Variants in MAGI2 observed in about 807,000 individuals in gnomAD.
MAGI2 encodes membrane associated guanylate kinase, WW and PDZ domain containing 2, also known as membrane-associated guanylate kinase, WW and PDZ domain-containing protein 2.
MAGI2 carries 35 observed loss-of-function variants against 133.3 expected under a neutral mutation model. The observed-to-expected ratio is 0.26, with a 90% CI of 0.20 to 0.35. The LOEUF (loss-of-function observed/expected upper bound fraction) is 0.35. Among genes scored for constraint, MAGI2 ranks in the 10% least tolerant of loss-of-function variants. The probability of loss-of-function intolerance (pLI) is 1.00; values close to 1 mark genes in which losing one functional copy is unlikely to be tolerated. For synonymous variants in MAGI2, 729 were observed against 710.6 expected (o/e 1.03, Z -0.41); for missense variants, 1,636 against 1,863.4 (o/e 0.88, Z 2.25).
At chr7:79,397,449 A>T (rs1164802354) in intron 1 of MAGI2, among the ~76,000 whole-genome samples, 1 of 151,976 alleles carries the variant, frequency 6.6e-6, no homozygotes, top group East Asian at 1.9e-4. Context: ...AGTTTAAAGT[A>T]AATATTTATG....
At chr7:79,109,022 G>C (rs561489899) in intron 1 of MAGI2, among the ~76,000 whole-genome samples, 1 of 152,258 alleles carries the variant, frequency 6.6e-6, no homozygotes, top group South Asian at 2.1e-4. Flanking sequence ...CATGCTTCCT[G>C]TACAGCCTGC....
intron 20 of MAGI2, among the ~76,000 whole-genome samples, chr7:78,092,509 C>T (rs556965024): frequency 1.3e-5 from 2 of 152,310 alleles, no homozygotes; most frequent in Admixed American, 6.5e-5. Context: ...ATTGTCCATC[C>T]ATGCATGAGA....
intron 1 of MAGI2, among the ~76,000 whole-genome samples, chr7:79,137,881 T>C (rs1663459588): frequency 1.3e-5 from 2 of 152,128 alleles, no homozygotes; most frequent in African/African-American, 4.8e-5. Flanking sequence ...ACACAGGACA[T>C]TGCAGTTATT....
Position 79,257,063 on chromosome 7 carries a change from A to G in MAGI2, c.301+195957T>C, listed in dbSNP as rs905042852. 2.6e-5 allele frequency among the ~76,000 whole-genome samples: 4 copies of G among 152,130 alleles called. No homozygotes were observed. In the East Asian group the frequency reaches 5.8e-4, roughly 22 times the overall value. The stretch of plus-strand genomic sequence containing the variant: ...AATCTCACCACAAAAACCATACTTT[A>G]TGATGTAATATGTATGTTAATTAGC... On this transcript the variant is annotated intron_variant, in intron 1 of 21. Coordinates refer to ENST00000354212, the MANE Select transcript of MAGI2 (RefSeq NM_012301.4).
intron 7 of MAGI2, among the ~76,000 whole-genome samples, chr7:78,362,680 T>C (rs967596869): frequency 2.0e-5 from 3 of 152,366 alleles, no homozygotes; most frequent in African/African-American, 4.8e-5. Context: ...ATAAAAAAAC[T>C]AGCTCTAGTT....
At chr7:79,067,538 T>G (rs58013603) in intron 1 of MAGI2, among the ~76,000 whole-genome samples, 2 of 152,182 alleles carry the variant, frequency 1.3e-5, no homozygotes, top group Non-Finnish European at 2.9e-5. Flanking sequence ...TATACAATCA[T>G]GTCAACTGCA....
intron 9 of MAGI2, among the ~76,000 whole-genome samples, chr7:78,262,845 T>A (rs1173335341): frequency 6.6e-6 from 1 of 152,178 alleles, no homozygotes; most frequent in Non-Finnish European, 1.5e-5. Context: ...AATTTCAGAT[T>A]CAGAGGATAC....
At chr7:79,222,864 T>C (rs1009204114) in intron 1 of MAGI2, among the ~76,000 whole-genome samples, 4 of 151,984 alleles carry the variant, frequency 2.6e-5, no homozygotes, top group African/African-American at 9.7e-5. Flanking sequence ...TCTCATTTCT[T>C]TTCTTTTTGT....
intron 15 of MAGI2, 148 bp downstream of exon 15, chr7:78,167,768 A>G (rs1225284827): frequency 4.1e-6 from 3 of 733,534 alleles, no homozygotes; most frequent in East Asian, 5.1e-5. Flanking sequence ...TTTCAAAATC[A>G]TCATTACTTT....
At chr7:78,462,630 G>T (rs1186183781) in intron 6 of MAGI2, among the ~76,000 whole-genome samples, 1 of 152,172 alleles carries the variant, frequency 6.6e-6, no homozygotes, top group Non-Finnish European at 1.5e-5. Context: ...AATGAACATG[G>T]TTATTGCAAA....
At chr7:79,099,079 T>C (rs183568908) in intron 1 of MAGI2, among the ~76,000 whole-genome samples, 24 of 152,308 alleles carry the variant, frequency 1.6e-4, no homozygotes, top group Admixed American at 1.6e-3. Flanking sequence ...ATGGTTAGAC[T>C]GAAATAATGA....
intron 7 of MAGI2, among the ~76,000 whole-genome samples, chr7:78,364,045 T>C (rs1300702263): frequency 2.0e-5 from 3 of 152,014 alleles, no homozygotes; most frequent in African/African-American, 7.2e-5. Flanking sequence ...CCCTCCTCCT[T>C]CTTCTCTATA....
chr7:78,581,243 C>A (rs1584727652), intron 3 of MAGI2, among the ~76,000 whole-genome samples: 1 of 152,108 alleles, frequency 6.6e-6, no homozygotes, highest in South Asian at 2.1e-4. Context: ...TACAACTGCT[C>A]CCCTCAAGGG....
At chr7:78,573,046 TATATATA>T (rs1801693256) in intron 3 of MAGI2, among the ~76,000 whole-genome samples, 1 of 70,498 alleles carries the variant, frequency 1.4e-5, no homozygotes, top group African/African-American at 7.6e-5. Context: ...TATATATATA[TATATATA>T]TATATATATA....
At chr7:79,295,865 A>G (rs559616965) in intron 1 of MAGI2, among the ~76,000 whole-genome samples, 1 of 152,302 alleles carries the variant, frequency 6.6e-6, no homozygotes, top group African/African-American at 2.4e-5. Context: ...CACACTTCCA[A>G]TTAAATTGTG....
chr7:78,379,789 T>C lies in MAGI2; in HGVS notation c.1046-10576A>G, dbSNP rs117895909. ...AATATGCATGGAACACTCGCCAAAA[T>C]TGTTAGATTACAAAAAATTCTTAAG... On this transcript the variant is annotated intron_variant, in intron 6 of 21. Coordinates refer to ENST00000354212, the MANE Select transcript of MAGI2 (RefSeq NM_012301.4). 3.5e-3 allele frequency among the ~76,000 whole-genome samples: 536 copies of C among 152,142 alleles called. 1 individual carries two copies. Among genetic ancestry groups the C allele is most frequent in the Non-Finnish European group, 6.0e-3 (409 of 67,938 alleles).
At chr7:79,372,721 C>A (rs1393228947) in intron 1 of MAGI2, among the ~76,000 whole-genome samples, 1 of 152,046 alleles carries the variant, frequency 6.6e-6, no homozygotes, top group Non-Finnish European at 1.5e-5. Context: ...TTACTTCCCG[C>A]ACCAGTAACT....
chr7:78,434,959 T>C (rs1282068658), intron 6 of MAGI2, among the ~76,000 whole-genome samples: 1 of 152,084 alleles, frequency 6.6e-6, no homozygotes, highest in Non-Finnish European at 1.5e-5. Context: ...CTGCCTCCTA[T>C]CCCTCTGCAT....
chr7:79,177,012 T>C (rs1263928721), intron 1 of MAGI2: 1 of 151,938 alleles, frequency 6.6e-6, no homozygotes, highest in African/African-American at 2.4e-5. Flanking sequence ...AAAGCAGCGA[T>C]TGAAACTTAC....
Sources: gnomAD v4.1 joint callset for allele counts (sites outside exome capture counted in the v4.1 genomes callset) on GRCh38, gnomAD v4.1.1 for gene constraint, MANE v1.5 for transcripts, NCBI Gene and HGNC (gene_info 2026-07-23, HGNC 2026-07-21) for gene names.